Variants in MGAT4C observed in about 807,000 individuals in gnomAD.
MGAT4C encodes the protein MGAT4 family member C.
A neutral mutation model predicts 40.1 loss-of-function variants in MGAT4C; 19 were observed. That is an observed-to-expected ratio of 0.47 (90% CI 0.33 to 0.70). MGAT4C has a LOEUF of 0.70. MGAT4C is among the 30% of genes least tolerant of loss of function. MGAT4C has a pLI of 0.02. For synonymous variants in MGAT4C, 181 were observed against 187.1 expected (o/e 0.97, Z 0.27); for missense variants, 491 against 563.2 (o/e 0.87, Z 1.30).
intron 1 of MGAT4C, among the ~76,000 whole-genome samples, chr12:86,198,778 A>T (rs554030104): frequency 2.6e-5 from 4 of 152,154 alleles, no homozygotes; most frequent in Non-Finnish European, 4.4e-5. Flanking sequence ...AAATGCCAAT[A>T]CATCTTCATT....
At chr12:86,703,784 C>T (rs1950406160) in intron 2 of MGAT4C, among the ~76,000 whole-genome samples, 1 of 152,088 alleles carries the variant, frequency 6.6e-6, no homozygotes, top group African/African-American at 2.4e-5. Flanking sequence ...CAAAGACAAA[C>T]TTATTTCACA....
intron 1 of MGAT4C, among the ~76,000 whole-genome samples, chr12:86,149,356 GTCATT>G (rs1394305950): frequency 3.3e-5 from 5 of 152,098 alleles, no homozygotes; most frequent in Admixed American, 3.3e-4. Flanking sequence ...ACATGGCTAT[GTCATT>G]TCAAGATCAG....
Position 85,971,629 on chromosome 12 carries a change from T to A in MGAT4C, c.*7660A>T, listed in dbSNP as rs1883627220. 6.6e-6 allele frequency: 1 copy of A among 151,216 alleles called. No individual in the cohort carries two copies. Among genetic ancestry groups the A allele is most frequent in the African/African-American group, 2.4e-5 (1 of 41,338 alleles). 9.4% of individuals were successfully genotyped at this position (151,216 alleles called of 1,614,324 possible). A position where few individuals can be genotyped will look rare whatever the true frequency, so the allele number is the denominator to read the frequency against. On this transcript the variant is annotated 3_prime_UTR_variant, in exon 5 of 5. Coordinates refer to ENST00000611864, the MANE Select transcript of MGAT4C (RefSeq NM_001351288.2). Reference sequence around the variant, plus strand: ...AACTTGACCTGTTTGTTCTAGTAAGTAAAAACACTAGATACGTACCAAAAT... The same window carrying A: ...AACTTGACCTGTTTGTTCTAGTAAGAAAAAACACTAGATACGTACCAAAAT...
chr12:86,354,163 T>C (rs1457807848), intron 3 of MGAT4C, among the ~76,000 whole-genome samples: 1 of 152,174 alleles, frequency 6.6e-6, no homozygotes, highest in African/African-American at 2.4e-5. Flanking sequence ...TTTACTATAC[T>C]GAAATTGAAA....
chr12:86,364,419 T>TA (rs1955548174), intron 3 of MGAT4C, among the ~76,000 whole-genome samples: 2 of 152,288 alleles, frequency 1.3e-5, no homozygotes, highest in South Asian at 4.1e-4. Context: ...CCAGGATTTT[T>TA]AGAGTTTGAG....
chr12:86,764,547 G>A (rs1165722136), intron 1 of MGAT4C, among the ~76,000 whole-genome samples: 52 of 63,982 alleles, frequency 8.1e-4, no homozygotes, highest in East Asian at 3.3e-3. Flanking sequence ...ATCTGAGAAC[G>A]GGCAGACTGC....
chr12:86,410,653 G>A (rs1956585997), intron 3 of MGAT4C, among the ~76,000 whole-genome samples: 3 of 152,192 alleles, frequency 2.0e-5, no homozygotes, highest in South Asian at 2.1e-4. Context: ...CTCAGCTTAC[G>A]AAGATAACAG....
At chr12:86,189,544 T>A (rs1160318511) in intron 1 of MGAT4C, among the ~76,000 whole-genome samples, 1 of 152,034 alleles carries the variant, frequency 6.6e-6, no homozygotes, top group Non-Finnish European at 1.5e-5. Context: ...TCTATTGTAG[T>A]GCTTCTTAGT....
chr12:86,275,727 A>C (rs1953060870), intron 4 of MGAT4C, among the ~76,000 whole-genome samples: 1 of 152,104 alleles, frequency 6.6e-6, no homozygotes. Context: ...AAGCTGAGAA[A>C]GACAAGCATT....
rs113959355 is a variant in MGAT4C, at chr12:86,831,937, A to C, written c.-262+6729T>G. Among the ~76,000 whole-genome samples, 340 of 151,982 alleles carry C rather than the reference A, an allele frequency of 2.2e-3. 1 individual carries two copies. The highest frequency in any genetic ancestry group is 7.7e-3 in the African/African-American group (320 of 41,528). ...GTATATGGGAATCTGACAATATCAC[A>C]AAGATTCTGTTGTGAAAATGAGGTG... is the stretch of plus-strand genomic sequence containing the variant. On this transcript the variant is annotated intron_variant, in intron 1 of 7. Transcript: ENST00000548651.
rs796745287 is a variant in MGAT4C, at chr12:86,466,224, C to A, written c.-228-30959G>T. Among the ~76,000 whole-genome samples the A allele has an allele frequency of 5.1e-3, 775 of 150,830 alleles. 7 individuals are homozygous for A. Among genetic ancestry groups the A allele is most frequent in the African/African-American group, 0.018 (740 of 40,896 alleles). ...AGACTCCGTCAAAAAAAAACAAAAA[C>A]AAAAACCCAAATGTGGATTTTTATA... On this transcript the variant is annotated intron_variant, in intron 2 of 7. Coordinates refer to the MGAT4C transcript ENST00000548651.
intron 3 of MGAT4C, chr12:86,435,046 T>C (rs1160189857): frequency 6.6e-6 from 1 of 151,934 alleles, no homozygotes; most frequent in African/African-American, 2.4e-5. Flanking sequence ...GAAAAAACAT[T>C]TTCTGACTTA....
chr12:86,746,633 AAAC>A (rs1372480036), intron 1 of MGAT4C, among the ~76,000 whole-genome samples: 1 of 151,704 alleles, frequency 6.6e-6, no homozygotes, highest in African/African-American at 2.4e-5. Context: ...TTCACTTAAC[AAAC>A]AACAATAATC....
At chr12:86,257,631 C>CTAA (rs2136090731), upstream of MGAT4C, among the ~76,000 whole-genome samples, 1 of 152,332 alleles carries the variant, frequency 6.6e-6, no homozygotes, top group African/African-American at 2.4e-5. Flanking sequence ...ATTCCCTCTG[C>CTAA]ATTTACAGTG....
chr12:86,696,256 T>G (rs1310508235), intron 2 of MGAT4C, among the ~76,000 whole-genome samples: 1 of 151,790 alleles, frequency 6.6e-6, no homozygotes, highest in Non-Finnish European at 1.5e-5. Flanking sequence ...GCACAAAGAA[T>G]AAATACCTGA....
intron 3 of MGAT4C, among the ~76,000 whole-genome samples, chr12:86,385,807 T>C (rs1054883102): frequency 2.6e-5 from 4 of 152,192 alleles, no homozygotes; most frequent in Admixed American, 2.0e-4. Flanking sequence ...ATTCAGATAA[T>C]ACCTCCTCAC....
At chr12:86,116,913 GA>G (rs1878520084) in intron 1 of MGAT4C, among the ~76,000 whole-genome samples, 2 of 151,946 alleles carry the variant, frequency 1.3e-5, no homozygotes, top group African/African-American at 2.4e-5. Context: ...TATATAACAG[GA>G]AAATATTTCC....
Position 85,984,976 on chromosome 12 carries a change from C to T in MGAT4C, c.148-1306G>A, listed in dbSNP as rs894569557. On this transcript the variant is annotated intron_variant, in intron 3 of 4. Coordinates refer to ENST00000611864, the MANE Select transcript of MGAT4C (RefSeq NM_001351288.2). ...GTATTTTTTAGTAGAGATGAGTTTCCGCCATGTTGGCCAAGCTCGTCTCAA... is the reference window on the plus strand; with the variant it reads ...GTATTTTTTAGTAGAGATGAGTTTCTGCCATGTTGGCCAAGCTCGTCTCAA... 3.9e-5 allele frequency among the ~76,000 whole-genome samples: 6 copies of T among 152,208 alleles called. No homozygotes were observed. The South Asian group carries it at 1.2e-3, about 32-fold the overall frequency.
chr12:86,676,657 T>C (rs759637046), intron 2 of MGAT4C, among the ~76,000 whole-genome samples: 1 of 151,280 alleles, frequency 6.6e-6, no homozygotes, highest in African/African-American at 2.4e-5. Flanking sequence ...GATGAGTTTG[T>C]CATTCACAAA....
Sources: allele counts gnomAD v4.1 joint callset (sites outside exome capture counted in the v4.1 genomes callset), GRCh38; gene constraint gnomAD v4.1.1; transcripts MANE v1.5; gene names NCBI Gene and HGNC (gene_info 2026-07-23, HGNC 2026-07-21).